DGKI: variants seen among roughly 807,000 people sequenced by gnomAD.
DGKI encodes DAG kinase iota.
In DGKI, 55 loss-of-function variants were observed where a neutral mutation model predicts 147.5. That is an observed-to-expected ratio of 0.37 (90% CI 0.30 to 0.47). The LOEUF is 0.47. DGKI is among the 20% of genes least tolerant of loss of function. The pLI, the probability that DGKI is intolerant of heterozygous loss-of-function variation, is 1.00. For synonymous variants in DGKI, 469 were observed against 477.1 expected, an observed-to-expected ratio of 0.98 and a Z score of 0.22; for missense variants, 1,007 against 1,323.8, an observed-to-expected ratio of 0.76 and a Z score of 3.71.
intron 3 of DGKI, among the ~76,000 whole-genome samples, chr7:137,661,715 T>C (rs1822441517): frequency 6.6e-6 from 1 of 152,132 alleles, no homozygotes; most frequent in African/African-American, 2.4e-5. Flanking sequence ...CCCCTTCTCC[T>C]TCCCTTTTAG....
intron 2 of DGKI, among the ~76,000 whole-genome samples, chr7:137,680,759 C>A (rs923195470): frequency 6.6e-6 from 1 of 150,468 alleles, no homozygotes; most frequent in African/African-American, 2.4e-5. Context: ...CCAGTCTGGG[C>A]AATGGATCAA....
At chr7:137,517,704 T>C (rs924170877) in intron 21 of DGKI, among the ~76,000 whole-genome samples, 1 of 152,096 alleles carries the variant, frequency 6.6e-6, no homozygotes, top group Non-Finnish European at 1.5e-5. Flanking sequence ...AAATAAAAAT[T>C]TGTTGCAAAA....
At chr7:137,771,770 G>C (rs978220671) in intron 1 of DGKI, 1 of 152,172 alleles carries the variant, frequency 6.6e-6, no homozygotes, top group Non-Finnish European at 1.5e-5. Context: ...ACAGACCCTG[G>C]GTGAGTCTGG....
chr7:137,632,107 G>A (rs1165846562), intron 6 of DGKI, among the ~76,000 whole-genome samples: 1 of 152,172 alleles, frequency 6.6e-6, no homozygotes, highest in Non-Finnish European at 1.5e-5. Flanking sequence ...GATTGAAGTT[G>A]CAAGGGGACT....
chr7:137,443,619 T>A (rs1813596914), intron 28 of DGKI, among the ~76,000 whole-genome samples: 1 of 152,212 alleles, frequency 6.6e-6, no homozygotes, highest in Non-Finnish European at 1.5e-5. Context: ...CACTGACTGC[T>A]TGCCTTCCTT....
Position 137,846,161 on chromosome 7 carries a change from T to TCTCTCTCTCTCTCTCACACA in DGKI, c.401+300_401+301insTGTGTGAGAGAGAGAGAGAG, listed in dbSNP as rs781580130. 2.2e-4 allele frequency among the ~76,000 whole-genome samples: 24 copies of TCTCTCTCTCTCTCTCACACA among 108,208 alleles called. No individual in the cohort carries two copies. The highest frequency in any genetic ancestry group is 1.4e-3 in the Admixed American group (13 of 9,282). 71.0% of individuals were successfully genotyped at this position (108,208 alleles called of 152,430 possible). A position where few individuals can be genotyped will look rare whatever the true frequency, so the allele number is the denominator to read the frequency against. The stretch of plus-strand genomic sequence containing the variant: ...CTCTCTCTCTCTCTCTCTCTCTCTC[T>TCTCTCTCTCTCTCTCACACA]CACACACACACACACACACACACAC... On this transcript the variant is annotated intron_variant, in intron 1 of 32. Transcript: ENST00000614521. This position sits in a 1 kb window ranked among gnomAD's most constrained non-coding sequence, Gnocchi z 4.0.
chr7:137,791,940 G>C (rs1054643575), intron 1 of DGKI, among the ~76,000 whole-genome samples: 6 of 152,128 alleles, frequency 3.9e-5, no homozygotes, highest in African/African-American at 1.2e-4. Context: ...AAGCAGTTTA[G>C]CCACAACTCA....
intron 28 of DGKI, among the ~76,000 whole-genome samples, chr7:137,426,740 G>A (rs1174372527): frequency 1.3e-5 from 2 of 151,028 alleles, no homozygotes; most frequent in Non-Finnish European, 2.9e-5. Context: ...AAAAGGCAGG[G>A]GTTGCAATCC....
At chr7:137,630,553 G>A (rs1206087152) in intron 6 of DGKI, among the ~76,000 whole-genome samples, 2 of 152,086 alleles carry the variant, frequency 1.3e-5, no homozygotes, top group African/African-American at 4.8e-5. Context: ...TAGCTTCCAC[G>A]ATATCTTCAT....
chr7:137,832,761 C>T (rs939452362), intron 1 of DGKI, among the ~76,000 whole-genome samples: 1 of 152,216 alleles, frequency 6.6e-6, no homozygotes, highest in African/African-American at 2.4e-5. Context: ...TCCATTGCAT[C>T]GTCAGGCTGC....
At chr7:137,807,793 C>T (rs1797428035) in intron 1 of DGKI, among the ~76,000 whole-genome samples, 1 of 152,186 alleles carries the variant, frequency 6.6e-6, no homozygotes, top group Admixed American at 6.5e-5. Context: ...TGTCCATAAA[C>T]ACACTTTGAG....
At chr7:137,675,552 A>G (rs1054249781) in intron 3 of DGKI, among the ~76,000 whole-genome samples, 7 of 151,776 alleles carry the variant, frequency 4.6e-5, no homozygotes, top group Non-Finnish European at 1.0e-4. Context: ...GGGTGTGGTG[A>G]CTTGCACCTG....
At chr7:137,779,945 T>C (rs989758940) in intron 1 of DGKI, among the ~76,000 whole-genome samples, 1 of 152,146 alleles carries the variant, frequency 6.6e-6, no homozygotes, top group African/African-American at 2.4e-5. Flanking sequence ...TCAGTGAAGA[T>C]AGAGAAAATA....
chr7:137,533,181 C>A (rs966022556), intron 20 of DGKI, among the ~76,000 whole-genome samples: 1 of 151,932 alleles, frequency 6.6e-6, no homozygotes, highest in South Asian at 2.1e-4. Context: ...CCTAGCTACT[C>A]AGGAGGCTGA....
At chr7:137,768,930 T>A (rs960327834) in intron 1 of DGKI, among the ~76,000 whole-genome samples, 5 of 152,310 alleles carry the variant, frequency 3.3e-5, no homozygotes, top group Admixed American at 6.5e-5. Context: ...GTTAGCACTC[T>A]GTATTCTGAG....
intron 1 of DGKI, among the ~76,000 whole-genome samples, chr7:137,800,843 C>T (rs1171184942): frequency 2.0e-5 from 3 of 152,174 alleles, no homozygotes; most frequent in Non-Finnish European, 4.4e-5. Flanking sequence ...CCATCCAATG[C>T]TCATGATGCC....
chr7:137,401,452 G>A (rs1158722262), intron 30 of DGKI, among the ~76,000 whole-genome samples: 1 of 152,000 alleles, frequency 6.6e-6, no homozygotes, highest in Non-Finnish European at 1.5e-5. Flanking sequence ...GATTGCTTGA[G>A]CCCAGGAGAT....
In DGKI at chr7:137,540,761, C is replaced by CAAAAAAAAAAAAAA. The variant is rs1563075671; in HGVS notation, c.2147+11607_2147+11608insTTTTTTTTTTTTTT. Reference sequence around the variant, plus strand: ...GGAAACAAACATTTTAAAAACCCCCCCAAAAAAAAAAAAAAAAAAAAAAAA... The same window carrying CAAAAAAAAAAAAAA: ...GGAAACAAACATTTTAAAAACCCCCCAAAAAAAAAAAAAACAAAAAAAAAAAAAAAAAAAAAAAA... On this transcript the variant is annotated intron_variant, in intron 20 of 32. Coordinates refer to ENST00000614521, the MANE Select transcript of DGKI (RefSeq NM_001321708.2). 1.1e-4 allele frequency among the ~76,000 whole-genome samples: 4 copies of CAAAAAAAAAAAAAA among 35,538 alleles called. 2 individuals are homozygous for CAAAAAAAAAAAAAA. Among genetic ancestry groups the CAAAAAAAAAAAAAA allele is most frequent in the Non-Finnish European group, 3.7e-4 (4 of 10,894 alleles). 23.3% of individuals were successfully genotyped at this position (35,538 alleles called of 152,430 possible). A position where few individuals can be genotyped will look rare whatever the true frequency, so the allele number is the denominator to read the frequency against.
intron 20 of DGKI, among the ~76,000 whole-genome samples, chr7:137,534,253 G>A (rs1455577472): frequency 6.6e-6 from 1 of 152,020 alleles, no homozygotes; most frequent in Non-Finnish European, 1.5e-5. Context: ...AGTAAAAGTT[G>A]AAATGTCTCT....
Sources: gnomAD v4.1 joint callset for allele counts (sites outside exome capture counted in the v4.1 genomes callset) on GRCh38, gnomAD v4.1.1 for gene constraint, Gnocchi (gnomAD v3.1) non-coding constraint, MANE v1.5 for transcripts, NCBI Gene and HGNC (gene_info 2026-07-23, HGNC 2026-07-21) for gene names.